HNRNPU: variants seen among roughly 807,000 people sequenced by gnomAD.
The protein encoded by HNRNPU is heterogeneous nuclear ribonucleoprotein U, also known as HNRNPU antisense RNA 1.
A neutral mutation model predicts 94.7 loss-of-function variants in HNRNPU; 5 were observed. The ratio of observed to expected loss-of-function variants is 0.05; its 90% confidence interval spans 0.03 to 0.11. HNRNPU has a LOEUF of 0.11. Among genes scored for constraint, HNRNPU ranks in the 10% least tolerant of loss-of-function variants. The probability of loss-of-function intolerance (pLI) is 1.00; values close to 1 mark genes in which losing one functional copy is unlikely to be tolerated. For synonymous variants in HNRNPU, 434 were observed against 381.6 expected, an observed-to-expected ratio of 1.14 and a Z score of -1.60; for missense variants, 710 against 1,049.2, an observed-to-expected ratio of 0.68 and a Z score of 4.47.
intron 8 of HNRNPU, 68 bp downstream of exon 8, chr1:244,857,530 A>C: frequency 6.6e-7 from 1 of 1,506,954 alleles, no homozygotes; most frequent in Non-Finnish European, 9.1e-7. Flanking sequence ...TACAGGCGTG[A>C]ACCACCATGC....
chr1:244,864,410 C>G lies in HNRNPU; in HGVS notation c.-103G>C, dbSNP rs1340346678. 1 of 1,554,062 alleles carries G rather than the reference C, an allele frequency of 6.4e-7. No individual in the cohort carries two copies. Among genetic ancestry groups the G allele is most frequent in the African/African-American group, 1.4e-5 (1 of 71,724 alleles). On this transcript the variant is annotated 5_prime_UTR_variant, in exon 1 of 14. Coordinates refer to ENST00000640218, the MANE Select transcript of HNRNPU (RefSeq NM_031844.3). ...GGCTGCTCCTCGGCCCGGGCGGCGG[C>G]TGCGGCTGCGGCTGGAGATGGGTTC...
chr1:244,857,371 C>T (rs1227899975), intron 8 of HNRNPU: 2 of 420,812 alleles, frequency 4.8e-6, no homozygotes, highest in Non-Finnish European at 4.2e-6. Flanking sequence ...CTCAACCTCC[C>T]GAGCAGCTGG....
At chr1:244,859,493 C>T (rs1025876444) in intron 4 of HNRNPU, 119 bp from the exon 5 acceptor site, 3 of 540,954 alleles carry the variant, frequency 5.5e-6, no homozygotes, top group African/African-American at 3.8e-5. Context: ...AAAGAAGGCA[C>T]ACTCTAGCCC....
At chr1:244,858,949 A>C (rs542446278) in intron 5 of HNRNPU, 108 bp from the exon 6 acceptor site, 8 of 626,628 alleles carry the variant, frequency 1.3e-5, no homozygotes, top group Middle Eastern at 4.1e-4. Flanking sequence ...ATATAACCTA[A>C]TCACCTGTCA....
At chr1:244,857,893 G>T (rs568407122) in intron 7 of HNRNPU, 118 bp downstream of exon 7, 31 of 1,297,052 alleles carry the variant, frequency 2.4e-5, no homozygotes, top group Non-Finnish European at 3.2e-5. Flanking sequence ...TTACTTAAGA[G>T]CAATATGCAC....
rs747202656 is a variant in HNRNPU at position 244,856,893 on chromosome 1, G to C, written c.1615-37C>G. 1.9e-5 allele frequency: 30 copies of C among 1,542,686 alleles called. No homozygotes were observed. The Admixed American group carries it at 6.0e-4, about 31-fold the overall frequency. On this transcript the variant is annotated intron_variant, in intron 8 of 13. Transcript: ENST00000640218. ...AGTTAAAATTTCCCCTTGAACTTGTGAATTTTAATAAGTTATGCTTTTTAA... is the reference window on the plus strand; with the variant it reads ...AGTTAAAATTTCCCCTTGAACTTGTCAATTTTAATAAGTTATGCTTTTTAA...
intron 1 of HNRNPU, 128 bp from the exon 2 acceptor site, chr1:244,862,858 T>C (rs772899535): frequency 4.2e-6 from 3 of 717,372 alleles, no homozygotes; most frequent in Non-Finnish European, 7.6e-6. Context: ...AGGACTCAAA[T>C]GTGAATTCAA....
Position 244,854,439 on chromosome 1 carries a change from T to C in HNRNPU, c.*11A>G. The C allele has an allele frequency of 6.4e-7, 1 of 1,556,868 alleles. No homozygotes were observed. The highest frequency in any genetic ancestry group is 8.9e-7 in the Non-Finnish European group (1 of 1,128,622). On this transcript the variant is annotated 3_prime_UTR_variant, in exon 14 of 14. Coordinates refer to ENST00000640218, the MANE Select transcript of HNRNPU (RefSeq NM_031844.3). Reference sequence around the variant, plus strand: ...TGGAGAAATATGTATCAGTTCGTTTTATTTGGGTATTCAATAATATCCTTG... The same window carrying C: ...TGGAGAAATATGTATCAGTTCGTTTCATTTGGGTATTCAATAATATCCTTG...
In HNRNPU at chr1:244,856,176, A is replaced by G. The variant is rs748571444; in HGVS notation, c.1913-18T>C. ...AAAGTTTCCTGCAGGAAACAAAGTC[A>G]TATTATTAATTTAGAAACCCACCAC... is the stretch of plus-strand genomic sequence containing the variant. On this transcript the variant is annotated intron_variant, in intron 10 of 13. Coordinates refer to ENST00000640218, the MANE Select transcript of HNRNPU (RefSeq NM_031844.3). 15 of 1,586,456 alleles carry G rather than the reference A, an allele frequency of 9.5e-6. No individual in the cohort carries two copies. The South Asian group carries it at 1.7e-4, about 18-fold the overall frequency.
chr1:244,855,534 C>T lies in HNRNPU; in HGVS notation c.2242G>A (p.Gly748Arg), dbSNP rs1680655457. 1 of 1,614,006 alleles carries T rather than the reference C, an allele frequency of 6.2e-7. No individual in the cohort carries two copies. The highest frequency in any genetic ancestry group is 8.5e-7 in the Non-Finnish European group (1 of 1,179,936). The part of the protein sequence containing the change: ...QRGGGGGGSG[G>R]IGYPYPRAPV... ...GCACGAGGGTATGGATAGCCGATTCCACCACTTCCTCCACCGCCACCACCT... is the reference window on the plus strand; with the variant it reads ...GCACGAGGGTATGGATAGCCGATTCTACCACTTCCTCCACCGCCACCACCT... The change falls in exon 12 of 14, where the codon GGA (glycine) becomes AGA (arginine). Residue 748 changes from glycine (G) to arginine (R), a missense_variant. Physicochemically the swap from Gly to Arg is moderately radical, Grantham distance 125. Around this residue, in one of 8 missense-constraint regions of HNRNPU, gnomAD observed 152 missense variants for 238.9 expected, o/e 0.64. Transcript: ENST00000640218.
intron 5 of HNRNPU, 62 bp downstream of exon 5, chr1:244,859,213 A>G: frequency 1.2e-6 from 1 of 852,124 alleles, no homozygotes; most frequent in Non-Finnish European, 2.0e-6. Context: ...CTAGTTAAAA[A>G]ACACTGAAAT....
chr1:244,856,440 G>C lies in HNRNPU; in HGVS notation c.1912+17C>G, dbSNP rs1480759234. On this transcript the variant is annotated intron_variant, in intron 10 of 13. Transcript: ENST00000640218. ...AAAAAGAAGATTTCACACAGTAACA[G>C]AATTAAAATTCCATGCCTTTCATTT... 6.3e-7 allele frequency: 1 copy of C among 1,599,686 alleles called. No homozygotes were observed. The highest frequency in any genetic ancestry group is 8.5e-7 in the Non-Finnish European group (1 of 1,172,918).
At chr1:244,858,366 G>T in intron 6 of HNRNPU, 92 bp from the exon 7 acceptor site, 1 of 1,208,916 alleles carries the variant, frequency 8.3e-7, no homozygotes, top group Non-Finnish European at 1.2e-6. Flanking sequence ...AGCTTATCCT[G>T]TGGAAGCTAC....
At chr1:244,863,395 GACACACACACACAC>G (rs1177980110) in intron 1 of HNRNPU, among the ~76,000 whole-genome samples, 8 of 138,656 alleles carry the variant, frequency 5.8e-5, no homozygotes, top group African/African-American at 2.2e-4. Flanking sequence ...TGCCACCGCC[GACACACACACACAC>G]ACACACACAC....
At chr1:244,859,080 G>A (rs1680756691) in intron 5 of HNRNPU, 195 bp downstream of exon 5, 1 of 576,524 alleles carries the variant, frequency 1.7e-6, no homozygotes, top group East Asian at 2.9e-5. Flanking sequence ...TTCAACCATT[G>A]GTCATAAACT....
intron 3 of HNRNPU, chr1:244,862,249 A>T: frequency 2.3e-6 from 1 of 435,178 alleles, no homozygotes; most frequent in South Asian, 5.5e-5. Flanking sequence ...TAAAAATACG[A>T]AACTCCTAGA....
chr1:244,862,413 A>AAAAC, intron 3 of HNRNPU, 48 bp downstream of exon 3: 2 of 1,308,634 alleles, frequency 1.5e-6, no homozygotes, highest in African/African-American at 1.5e-5. Flanking sequence ...AAAAAAAAAA[A>AAAAC]ACCACCATCA....
At position 244,856,575 on chromosome 1, in the gene HNRNPU, G is replaced by A. The variant is rs369567187; in HGVS notation, c.1794C>T (p.Gly598=). Residue 598 remains glycine, a synonymous_variant, in exon 10 of 14, where the codon GGC becomes GGT. Transcript: ENST00000640218. ...AAACTACAACAGCTTTTCGCTGGAA[G>A]CCTGCAAACAGGCACATTTTTCTCC... is the stretch of plus-strand genomic sequence containing the variant. The part of the protein sequence containing the change: ...AQRRKMCLFA[G]FQRKAVVVCP... The A allele has an allele frequency of 2.9e-4, 476 of 1,614,040 alleles. 1 individual carries two copies. The highest frequency in any genetic ancestry group is 4.0e-4 in the Non-Finnish European group (470 of 1,179,980).
At chr1:244,854,833 C>A (rs367773810) in intron 13 of HNRNPU, 140 bp downstream of exon 13, 355 of 661,672 alleles carry the variant, frequency 5.4e-4, no homozygotes, top group Non-Finnish European at 5.1e-6. Flanking sequence ...ATTATGGCTA[C>A]TACTGCAAGA....
Sources: gnomAD v4.1 joint callset for allele counts (sites outside exome capture counted in the v4.1 genomes callset) on GRCh38, gnomAD v4.1.1 for gene constraint, gnomAD v4.1.1 regional missense constraint, MANE v1.5 for transcripts, NCBI Gene and HGNC (gene_info 2026-07-23, HGNC 2026-07-21) for gene names.